CAPS2: variants seen among roughly 807,000 people sequenced by gnomAD.
The protein encoded by CAPS2 is calcyphosin-2.
A neutral mutation model predicts 86.5 loss-of-function variants in CAPS2; 98 were observed. That is an observed-to-expected ratio of 1.13 (90% CI 0.96 to 1.34). The LOEUF is 1.34. Among genes scored for constraint, CAPS2 ranks in the 40% most tolerant of loss-of-function variants. CAPS2 has a pLI of 0.00. For missense variants in CAPS2, 729 were observed against 686.8 expected, an observed-to-expected ratio of 1.06 and a Z score of -0.69; for synonymous variants, 210 against 225.1, an observed-to-expected ratio of 0.93 and a Z score of 0.60.
intron 1 of CAPS2, among the ~76,000 whole-genome samples, chr12:75,354,015 G>A (rs1029874360): frequency 2.6e-5 from 4 of 152,104 alleles, no homozygotes; most frequent in African/African-American, 4.8e-5. Flanking sequence ...AGCCATTTAT[G>A]AGAAACCCAT....
At chr12:75,346,794 C>T (rs902590794) in intron 1 of CAPS2, among the ~76,000 whole-genome samples, 7 of 152,016 alleles carry the variant, frequency 4.6e-5, no homozygotes, top group East Asian at 1.9e-4. Context: ...CATCAATTTA[C>T]GAAATAGCTT....
intron 8 of CAPS2, among the ~76,000 whole-genome samples, chr12:75,300,281 G>A (rs941708140): frequency 6.6e-6 from 1 of 151,952 alleles, no homozygotes; most frequent in Non-Finnish European, 1.5e-5. Flanking sequence ...TAGCGGCCGG[G>A]CGCGGTGGCT....
chr12:75,321,306 C>T (rs2138995450), intron 5 of CAPS2, 94 bp downstream of exon 5: 2 of 761,040 alleles, frequency 2.6e-6, no homozygotes, highest in East Asian at 5.4e-5. Flanking sequence ...CTTATTATGA[C>T]TAATAGCAAG....
chr12:75,335,001 A>C, upstream of CAPS2: 1 of 1,188,946 alleles, frequency 8.4e-7, no homozygotes, highest in Non-Finnish European at 1.2e-6. Context: ...TTCAATCCGG[A>C]CTTTACATAT....
At chr12:75,390,267 A>G (rs922834744) in intron 1 of CAPS2, 5 of 455,898 alleles carry the variant, frequency 1.1e-5, no homozygotes, top group African/African-American at 8.0e-5. Flanking sequence ...AATCAGCTAG[A>G]TATTAGCCAA....
chr12:75,381,614 G>GTTTTT (rs34705874), intron 1 of CAPS2, among the ~76,000 whole-genome samples: 3 of 87,920 alleles, frequency 3.4e-5, no homozygotes, highest in African/African-American at 9.4e-5. Context: ...TTTCTTAAGT[G>GTTTTT]TTTTTTTTTT....
At chr12:75,282,260 C>T in exon 16 of CAPS2, 1 of 1,548,520 alleles carries the variant, frequency 6.5e-7, no homozygotes, top group Non-Finnish European at 8.9e-7. Context: ...CCTGAAATTA[C>T]TTGAGAATGC....
intron 1 of CAPS2, among the ~76,000 whole-genome samples, chr12:75,373,345 G>A (rs1252271330): frequency 6.6e-6 from 1 of 152,186 alleles, no homozygotes. Flanking sequence ...AACCTTTGGT[G>A]AGCATTCACA....
chr12:75,284,615 C>T lies in CAPS2; in HGVS notation c.1515+346G>A, dbSNP rs372815578. 2.0e-5 allele frequency among the ~76,000 whole-genome samples: 3 copies of T among 152,070 alleles called. No individual in the cohort carries two copies. The East Asian group carries it at 5.8e-4, about 29-fold the overall frequency. Reference sequence around the variant, plus strand: ...TTATCTTATTCAATCTTTACACCAACTCTGTGAGATAGGAAACTGAGGCTT... The same window carrying T: ...TTATCTTATTCAATCTTTACACCAATTCTGTGAGATAGGAAACTGAGGCTT... On this transcript the variant is annotated intron_variant, in intron 15 of 16. Coordinates refer to ENST00000393284, the Ensembl canonical transcript of CAPS2.
chr12:75,323,235 A>G lies in CAPS2; in HGVS notation c.132-13T>C, dbSNP rs1056922577. 90 of 1,539,300 alleles carry G rather than the reference A, an allele frequency of 5.8e-5. No homozygotes were observed. Among genetic ancestry groups the G allele is most frequent in the Non-Finnish European group, 7.4e-5 (84 of 1,140,700 alleles). On this transcript the variant is annotated splice_polypyrimidine_tract_variant and intron_variant, in intron 2 of 16. Coordinates refer to ENST00000393284, the Ensembl canonical transcript of CAPS2. ...AAGTCGTGGGACCCTGAAAGACATA[A>G]TCTATGTATCCCGTAACTTTTTAAC...
At position 75,356,921 on chromosome 12, in the gene CAPS2, G is replaced by A. The variant is rs565602598; in HGVS notation, c.-394-33699C>T. ...GAAGGCTACAGTGCTAGGCACAACA[G>A]CAGACACGTAATCCCAACAACTCAA... On this transcript the variant is annotated intron_variant, in intron 1 of 5. Transcript: ENST00000551829. 2.9e-4 allele frequency among the ~76,000 whole-genome samples: 44 copies of A among 152,170 alleles called. 1 individual carries two copies. The South Asian group carries it at 7.5e-3, about 26-fold the overall frequency.
At chr12:75,277,624 C>A (rs1280367951) in exon 17 of CAPS2, 15 of 984,574 alleles carry the variant, frequency 1.5e-5, no homozygotes, top group Admixed American at 6.2e-5. Flanking sequence ...CTTCTCACAT[C>A]TTGAAAAGTG....
chr12:75,378,591 G>T (rs1370012566), intron 1 of CAPS2, among the ~76,000 whole-genome samples: 2 of 152,134 alleles, frequency 1.3e-5, no homozygotes, highest in Non-Finnish European at 2.9e-5. Flanking sequence ...GAAAACTCAG[G>T]CAAAATGTTT....
At chr12:75,386,839 A>T (rs1443429421) in intron 1 of CAPS2, among the ~76,000 whole-genome samples, 2 of 151,306 alleles carry the variant, frequency 1.3e-5, no homozygotes, top group African/African-American at 4.9e-5. Flanking sequence ...TGGTTCTGGA[A>T]CAACTGAACG....
At chr12:75,282,726 G>C (rs1360014584) in intron 15 of CAPS2, among the ~76,000 whole-genome samples, 2 of 152,104 alleles carry the variant, frequency 1.3e-5, no homozygotes, top group Admixed American at 1.3e-4. Flanking sequence ...TTAGACATAG[G>C]AATCTAATAT....
intron 1 of CAPS2, among the ~76,000 whole-genome samples, chr12:75,349,040 C>T (rs763411224): frequency 1.6e-4 from 25 of 151,804 alleles, no homozygotes; most frequent in Non-Finnish European, 2.6e-4. Context: ...CTAGAGTTCA[C>T]GGAAAAGAGT....
exon 17 of CAPS2, chr12:75,278,279 G>A: frequency 1.0e-6 from 1 of 980,464 alleles, no homozygotes; most frequent in Non-Finnish European, 1.2e-6. Flanking sequence ...AGACAAGTCA[G>A]TATTTAAATG....
At chr12:75,307,974 C>T (rs919205936) in intron 7 of CAPS2, among the ~76,000 whole-genome samples, 3 of 152,152 alleles carry the variant, frequency 2.0e-5, no homozygotes, top group Admixed American at 2.0e-4. Context: ...ACTTTCCACA[C>T]CCAAGTAACA....
At chr12:75,332,748 T>C (rs777148240), upstream of CAPS2, among the ~76,000 whole-genome samples, 1 of 152,106 alleles carries the variant, frequency 6.6e-6, no homozygotes, top group Non-Finnish European at 1.5e-5. Context: ...GATGTAGCAA[T>C]GAAGAAAACA....
Sources: allele counts gnomAD v4.1 joint callset (sites outside exome capture counted in the v4.1 genomes callset), GRCh38; gene constraint gnomAD v4.1.1; transcripts MANE v1.5; gene names NCBI Gene and HGNC (gene_info 2026-07-23, HGNC 2026-07-21).